The following BBS9 variants were observed in gnomAD, a reference collection of about 807,000 sequenced individuals.
BBS9 encodes protein PTHB1.
Under a neutral mutation model 117.7 loss-of-function variants are expected in BBS9, and 89 were observed. The observed-to-expected ratio is 0.76, with a 90% confidence interval of 0.64 to 0.90. The LOEUF is 0.90. Among genes scored for constraint, BBS9 ranks in the 40% least tolerant of loss-of-function variants. The probability of loss-of-function intolerance (pLI) is 0.00; values close to 1 mark genes in which losing one functional copy is unlikely to be tolerated. For synonymous variants in BBS9, 379 were observed against 370.9 expected, an observed-to-expected ratio of 1.02 and a Z score of -0.25; for missense variants, 982 against 1,042.2, an observed-to-expected ratio of 0.94 and a Z score of 0.80.
At chr7:33,153,626 T>G (rs963269442) in intron 3 of BBS9, among the ~76,000 whole-genome samples, 4 of 152,228 alleles carry the variant, frequency 2.6e-5, no homozygotes, top group Non-Finnish European at 4.4e-5. Flanking sequence ...TATCATAATT[T>G]ATTGGCCCCA....
chr7:33,442,630 G>T (rs1412022541), intron 19 of BBS9, among the ~76,000 whole-genome samples: 1 of 152,308 alleles, frequency 6.6e-6, no homozygotes, highest in East Asian at 1.9e-4. Flanking sequence ...ACTTTCTTCT[G>T]ATTGAGAAAG....
rs189022322 is a variant in BBS9, at chr7:33,280,318, A to C, written c.1016+6362A>C. Among the ~76,000 whole-genome samples, 416 of 152,276 alleles carry C rather than the reference A, an allele frequency of 2.7e-3. 1 individual carries two copies. Among genetic ancestry groups the C allele is most frequent in the African/African-American group, 9.7e-3 (405 of 41,556 alleles). On this transcript the variant is annotated intron_variant, in intron 9 of 22. Transcript: ENST00000242067. Reference sequence around the variant, plus strand: ...CCCAATAAGTAGGTGTTCCACCCACAGCCACTCCCTCCCTCCCCACTCTTG... The same window carrying C: ...CCCAATAAGTAGGTGTTCCACCCACCGCCACTCCCTCCCTCCCCACTCTTG...
In BBS9 at chr7:33,392,507, CTGTT is replaced by C. The variant is rs1276884484; in HGVS notation, c.2115+4367_2115+4370del. Among the ~76,000 whole-genome samples the C allele has an allele frequency of 2.6e-5, 4 of 152,136 alleles. No individual in the cohort carries two copies. In the East Asian group the frequency reaches 7.7e-4, roughly 29 times the overall value. On this transcript the variant is annotated intron_variant, in intron 19 of 22. Transcript: ENST00000242067. ...CAATGCACAAGCACTTTTCAAGCAT[CTGTT>C]TGTGTCATGTTTCTAGTGTTCCATT...
At chr7:33,152,662 G>C (rs761920074) in intron 2 of BBS9, 39 bp from the exon 3 acceptor site, 1 of 1,562,090 alleles carries the variant, frequency 6.4e-7, no homozygotes, top group African/African-American at 1.4e-5. Context: ...GCTAATGTTT[G>C]TTTCTCCCTC....
intron 20 of BBS9, among the ~76,000 whole-genome samples, chr7:33,510,663 C>T (rs1449085049): frequency 6.6e-6 from 1 of 151,886 alleles, no homozygotes; most frequent in African/African-American, 2.4e-5. Context: ...ATATGGTAGC[C>T]CCTTGTCATG....
chr7:33,389,637 C>T (rs532914560), intron 19 of BBS9, among the ~76,000 whole-genome samples: 11 of 142,374 alleles, frequency 7.7e-5, no homozygotes, highest in Non-Finnish European at 1.6e-4. Context: ...TGCAGTGAGC[C>T]GAGATCGCGC....
intron 9 of BBS9, among the ~76,000 whole-genome samples, chr7:33,302,048 A>G (rs74986937): frequency 6.6e-6 from 1 of 152,106 alleles, no homozygotes; most frequent in Non-Finnish European, 1.5e-5. Flanking sequence ...GCACCTTCTC[A>G]TATGCTTGTT....
At chr7:33,597,605 T>C (rs1863065003) in intron 21 of BBS9, among the ~76,000 whole-genome samples, 2 of 152,102 alleles carry the variant, frequency 1.3e-5, no homozygotes, top group Admixed American at 6.6e-5. Context: ...GCCCTCTGGA[T>C]TTTCTGTATC....
chr7:33,632,802 A>T (rs185076678), intron 21 of BBS9, among the ~76,000 whole-genome samples: 2,265 of 151,844 alleles, frequency 0.015, 51 homozygotes, highest in African/African-American at 0.05. Flanking sequence ...AGTTTTTTTT[A>T]AAAAAAAGGA....
At chr7:33,193,264 C>T (rs1784421365) in intron 5 of BBS9, among the ~76,000 whole-genome samples, 1 of 152,028 alleles carries the variant, frequency 6.6e-6, no homozygotes, top group Non-Finnish European at 1.5e-5. Context: ...TTTAGCCTCC[C>T]ATATCACTTT....
At chr7:33,570,020 T>A (rs761782340) in intron 21 of BBS9, among the ~76,000 whole-genome samples, 7 of 152,222 alleles carry the variant, frequency 4.6e-5, no homozygotes, top group Non-Finnish European at 1.0e-4. Context: ...GGTTTTATTC[T>A]GCTTTTCTTA....
intron 19 of BBS9, among the ~76,000 whole-genome samples, chr7:33,474,200 A>G (rs752974546): frequency 1.2e-4 from 18 of 152,216 alleles, no homozygotes; most frequent in African/African-American, 3.1e-4. Context: ...TCTGGTTACA[A>G]TGCAAGAAGA....
In BBS9 at chr7:33,334,480, C is replaced by G. The variant is rs113243886; in HGVS notation, c.1017-1961C>G. 2.6e-3 allele frequency among the ~76,000 whole-genome samples: 390 copies of G among 152,146 alleles called. 5 individuals are homozygous for G. The South Asian group carries it at 0.028, about 11-fold the overall frequency. ...GGGCTTAGTGGGGCTAGCTAGAATG[C>G]GGAACAGACTACAGTCACAACTCAG... is the stretch of plus-strand genomic sequence containing the variant. On this transcript the variant is annotated intron_variant, in intron 9 of 22. Transcript: ENST00000242067.
intron 19 of BBS9, chr7:33,390,774 A>G (rs540508056): frequency 1.1e-4 from 31 of 270,212 alleles, no homozygotes; most frequent in African/African-American, 7.1e-4. Flanking sequence ...AAATGTAATC[A>G]TTCTTACTGT....
intron 1 of BBS9, among the ~76,000 whole-genome samples, chr7:33,138,318 G>T (rs1002380891): frequency 5.3e-5 from 8 of 151,064 alleles, no homozygotes; most frequent in Non-Finnish European, 2.9e-5. Context: ...CCCTCAAAAG[G>T]TAACGGACGG....
chr7:33,302,894 A>T (rs1281733688), intron 9 of BBS9, among the ~76,000 whole-genome samples: 1 of 152,144 alleles, frequency 6.6e-6, no homozygotes, highest in Non-Finnish European at 1.5e-5. Flanking sequence ...AACAATATTG[A>T]TTCTTCCAAT....
At chr7:33,385,953 G>C (rs1825928510) in intron 18 of BBS9, among the ~76,000 whole-genome samples, 1 of 152,050 alleles carries the variant, frequency 6.6e-6, no homozygotes, top group African/African-American at 2.4e-5. Context: ...GACACAGGAA[G>C]GGGAACATCA....
chr7:33,595,255 G>C (rs575869370), intron 21 of BBS9, among the ~76,000 whole-genome samples: 1 of 152,062 alleles, frequency 6.6e-6, no homozygotes. Flanking sequence ...GGAGTAACAG[G>C]CAATGTACAG....
intron 5 of BBS9, among the ~76,000 whole-genome samples, chr7:33,202,560 G>A (rs1786070645): frequency 6.6e-6 from 1 of 152,144 alleles, no homozygotes; most frequent in African/African-American, 2.4e-5. Context: ...TGGCTGGGTA[G>A]GCCTCAGGAA....
Sources: allele counts gnomAD v4.1 joint callset (sites outside exome capture counted in the v4.1 genomes callset), GRCh38; gene constraint gnomAD v4.1.1; transcripts MANE v1.5; gene names NCBI Gene and HGNC (gene_info 2026-07-23, HGNC 2026-07-21).